Variants in MLF2 observed in about 807,000 individuals in gnomAD.
MLF2 encodes myeloid leukemia factor 2.
A neutral mutation model predicts 31.4 loss-of-function variants in MLF2; 12 were observed. The ratio of observed to expected loss-of-function variants is 0.38; its 90% CI spans 0.24 to 0.62. MLF2 has a LOEUF of 0.62. Ranked by LOEUF, MLF2 falls within the 20% of genes least tolerant of loss-of-function variation. The pLI, the probability that MLF2 is intolerant of heterozygous loss-of-function variation, is 0.58. For missense variants in MLF2, 272 were observed against 359.7 expected (o/e 0.76, Z 1.97); for synonymous variants, 109 against 118.8 (o/e 0.92, Z 0.54).
chr12:6,750,500 G>A lies in MLF2; in HGVS notation c.271-195C>T. Reference sequence around the variant, plus strand: ...GAGCAAGAAGGACCTGAAGAGACAGGGCCTTAATTGTATGCTACGTAAGAG... The same window carrying A: ...GAGCAAGAAGGACCTGAAGAGACAGAGCCTTAATTGTATGCTACGTAAGAG... On this transcript the variant is annotated intron_variant, in intron 5 of 8. Coordinates refer to ENST00000203630, the MANE Select transcript of MLF2 (RefSeq NM_001382226.1). This position sits in a 1 kb window ranked among gnomAD's most constrained non-coding sequence, Gnocchi z 5.3. 2.2e-6 allele frequency: 2 copies of A among 891,968 alleles called. No homozygotes were observed. Among genetic ancestry groups the A allele is most frequent in the South Asian group, 3.5e-5 (2 of 57,448 alleles). 55.3% of individuals were successfully genotyped at this position (891,968 alleles called of 1,614,324 possible). A position where few individuals can be genotyped will look rare whatever the true frequency, so the allele number is the denominator to read the frequency against.
In MLF2 at chr12:6,749,079, GGCTGAGTGT is replaced by G; in HGVS notation, c.560-106_560-98del. The G allele has an allele frequency of 7.6e-7, 1 of 1,315,224 alleles. No individual in the cohort carries two copies. The highest frequency in any genetic ancestry group is 1.5e-5 in the South Asian group (1 of 66,016). The allele number at this position is 1,315,224 out of a possible 1,614,324, so 81.5% of individuals were successfully genotyped here. A position where few individuals can be genotyped will look rare whatever the true frequency, so the allele number is the denominator to read the frequency against. On this transcript the variant is annotated intron_variant, in intron 7 of 8. Transcript: ENST00000203630. This position sits in a 1 kb window ranked among gnomAD's most constrained non-coding sequence, Gnocchi z 5.3. ...CAGCTTTTCGGGCCAAAGCGGCGAA[GGCTGAGTGT>G]GCGTGCAGGGATGGGTGGGGTGGCA...
chr12:6,748,563 G>C lies in MLF2; in HGVS notation c.*26-16C>G. ...CAGCCTGTACCTGGAGGGGGAAAGAGAGAGGAGCACAAGTCAAAAGGAAGA... is the reference window on the plus strand; with the variant it reads ...CAGCCTGTACCTGGAGGGGGAAAGACAGAGGAGCACAAGTCAAAAGGAAGA... On this transcript the variant is annotated splice_polypyrimidine_tract_variant and intron_variant, in intron 8 of 8. Coordinates refer to ENST00000203630, the MANE Select transcript of MLF2 (RefSeq NM_001382226.1). The surrounding 1 kb of genome is among the most constrained non-coding windows in gnomAD (Gnocchi z 4.6). 1 of 433,616 alleles carries C rather than the reference G, an allele frequency of 2.3e-6. No homozygotes were observed. Among genetic ancestry groups the C allele is most frequent in the Admixed American group, 4.4e-5 (1 of 22,488 alleles). The allele number at this position is 433,616 out of a possible 1,614,324, so 26.9% of individuals were successfully genotyped here.
rs1209032073 is a variant in MLF2, at chr12:6,748,959, C to T, written c.583G>A (p.Glu195Lys). 7 of 1,601,198 alleles carry T rather than the reference C, an allele frequency of 4.4e-6. No individual in the cohort carries two copies. Among genetic ancestry groups the T allele is most frequent in the Non-Finnish European group, 5.1e-6 (6 of 1,174,520 alleles). ...AATCGGGAGGTCTCCCGCCGCCACT[C>T]GTCATCAAACGCTGCGGCCTCACCT... is the stretch of plus-strand genomic sequence containing the variant. ...DESEAAAFDD[E>K]WRRETSRFRQ... The change falls in exon 8 of 9, where the codon GAG becomes AAG. Residue 195 changes from glutamate (E) to lysine (K), a missense_variant. By Grantham distance (56) the Glu-to-Lys change is moderately conservative. Transcript: ENST00000203630. This position sits in a 1 kb window ranked among gnomAD's most constrained non-coding sequence, Gnocchi z 4.6.
Position 6,752,115 on chromosome 12 carries a change from C to G in MLF2, c.51-61G>C. The G allele has an allele frequency of 6.2e-7, 1 of 1,606,874 alleles. No homozygotes were observed. Among genetic ancestry groups the G allele is most frequent in the South Asian group, 1.1e-5 (1 of 90,382 alleles). On this transcript the variant is annotated intron_variant, in intron 2 of 8. Transcript: ENST00000203630. This position sits in a 1 kb window ranked among gnomAD's most constrained non-coding sequence, Gnocchi z 4.6. ...GCCAAACTGTCAATCCCTCCACCAC[C>G]CTGCAAAAAAATACGCACAGAGCAA...
In MLF2 at chr12:6,752,489, C is replaced by A; in HGVS notation, c.-28-127G>T. The A allele has an allele frequency of 1.4e-6, 1 of 732,284 alleles. No individual in the cohort carries two copies. The highest frequency in any genetic ancestry group is 2.2e-6 in the Non-Finnish European group (1 of 447,528). The allele number at this position is 732,284 out of a possible 1,614,324, so 45.4% of individuals were successfully genotyped here. On this transcript the variant is annotated intron_variant, in intron 1 of 8. Transcript: ENST00000203630. This position sits in a 1 kb window ranked among gnomAD's most constrained non-coding sequence, Gnocchi z 4.6. Reference sequence around the variant, plus strand: ...CTGACCCCCTAAACTCCAGGGAGACCCTACTCCAGGTGTTCCACACAACCC... The same window carrying A: ...CTGACCCCCTAAACTCCAGGGAGACACTACTCCAGGTGTTCCACACAACCC...
In MLF2 at chr12:6,750,938, C is replaced by G; in HGVS notation, c.217-172G>C. The G allele has an allele frequency of 1.6e-6, 1 of 639,350 alleles. No homozygotes were observed. The allele number at this position is 639,350 out of a possible 1,614,324, so 39.6% of individuals were successfully genotyped here. ...AAATAACCAGAATACTCATATTTCT[C>G]CTCCTGTGAACTGCTGACCCCTTCC... On this transcript the variant is annotated intron_variant, in intron 4 of 8. Coordinates refer to ENST00000203630, the MANE Select transcript of MLF2 (RefSeq NM_001382226.1). This position sits in a 1 kb window ranked among gnomAD's most constrained non-coding sequence, Gnocchi z 5.3.
In MLF2 at chr12:6,750,731, A is replaced by G. The variant is rs1473915552; in HGVS notation, c.252T>C (p.Asn84=). 6.2e-7 allele frequency: 1 copy of G among 1,614,136 alleles called. No homozygotes were observed. The highest frequency in any genetic ancestry group is 1.3e-5 in the African/African-American group (1 of 75,042). ...GTCTCACCATGTTTCCAATCATGTCATTCATCATCCCAAACATGTCCATGA... is the reference window on the plus strand; with the variant it reads ...GTCTCACCATGTTTCCAATCATGTCGTTCATCATCCCAAACATGTCCATGA... ...GGFMDMFGMM[N]DMIGNMEHMT... The change falls in exon 5 of 9, where the codon AAT becomes AAC. Residue 84 remains asparagine, a synonymous_variant. Transcript: ENST00000203630. The surrounding 1 kb of genome is among the most constrained non-coding windows in gnomAD (Gnocchi z 5.3).
At chr12:6,751,382 G>A (rs573373744) in intron 4 of MLF2, among the ~76,000 whole-genome samples, 1 of 151,974 alleles carries the variant, frequency 6.6e-6, no homozygotes, top group South Asian at 2.1e-4. Context: ...TAGTAGAGAC[G>A]GGGTTTCACC....
chr12:6,752,988 G>A lies in MLF2; in HGVS notation c.-78C>T. On this transcript the variant is annotated 5_prime_UTR_variant, in exon 1 of 9. Coordinates refer to ENST00000203630, the MANE Select transcript of MLF2 (RefSeq NM_001382226.1). The surrounding 1 kb of genome is among the most constrained non-coding windows in gnomAD (Gnocchi z 4.6). ...CCCATCCGGCCGGTTTCGCTTCCCG[G>A]TACGCTGCAGGGTCAGGGTCGCGGC... The A allele has an allele frequency of 3.3e-6, 1 of 306,108 alleles. No homozygotes were observed. Among genetic ancestry groups the A allele is most frequent in the East Asian group, 5.2e-5 (1 of 19,364 alleles). The allele number at this position is 306,108 out of a possible 1,614,324, so 19.0% of individuals were successfully genotyped here.
Position 6,749,857 on chromosome 12 carries a change from G to C in MLF2, c.550C>G (p.Leu184Val). The C allele has an allele frequency of 1.2e-6, 2 of 1,614,218 alleles. No homozygotes were observed. Among genetic ancestry groups the C allele is most frequent in the Non-Finnish European group, 1.7e-6 (2 of 1,180,028 alleles). Residue 184 changes from leucine (L) to valine (V), a missense_variant, in exon 7 of 9, where the codon CTG (leucine) becomes GTG (valine). Leu to Val is a conservative substitution (Grantham distance 32). Coordinates refer to ENST00000203630, the MANE Select transcript of MLF2 (RefSeq NM_001382226.1). This position sits in a 1 kb window ranked among gnomAD's most constrained non-coding sequence, Gnocchi z 5.3. ...GGGAGGGAAGGCTCACTCTCATCCA[G>C]GTTGATATAGTCCTGCCGCTCCTCC... ...DQEERQDYINLDESEAAAFDD... is the reference protein window; with the variant it reads ...DQEERQDYINVDESEAAAFDD...
In MLF2 at chr12:6,751,630, T is replaced by C; in HGVS notation, c.216+11A>G. ...TCTGAGATGGAAGGACACAGGGAGA[T>C]AAAGACTCACCATTCCCAGCATCCC... is the stretch of plus-strand genomic sequence containing the variant. On this transcript the variant is annotated intron_variant, in intron 4 of 8. Transcript: ENST00000203630. The C allele has an allele frequency of 6.2e-7, 1 of 1,613,154 alleles. No individual in the cohort carries two copies. Among genetic ancestry groups the C allele is most frequent in the Non-Finnish European group, 8.5e-7 (1 of 1,179,146 alleles).
chr12:6,750,699 G>C lies in MLF2; in HGVS notation c.270+14C>G. 1 of 1,613,592 alleles carries C rather than the reference G, an allele frequency of 6.2e-7. No individual in the cohort carries two copies. The highest frequency in any genetic ancestry group is 8.5e-7 in the Non-Finnish European group (1 of 1,179,542). On this transcript the variant is annotated intron_variant, in intron 5 of 8. Transcript: ENST00000203630. This position sits in a 1 kb window ranked among gnomAD's most constrained non-coding sequence, Gnocchi z 5.3. ...TGAGAGCAAGGCCGGGGAAGGGTAT[G>C]GGGCAAGTCTCACCATGTTTCCAAT... is the stretch of plus-strand genomic sequence containing the variant.
rs966797547 is a variant in MLF2, at chr12:6,752,545, TTCTC to T, written c.-28-187_-28-184del. The T allele has an allele frequency of 4.6e-5, 25 of 542,532 alleles. No homozygotes were observed. The highest frequency in any genetic ancestry group is 4.2e-4 in the African/African-American group (22 of 52,612). 33.6% of individuals were successfully genotyped at this position (542,532 alleles called of 1,614,324 possible). On this transcript the variant is annotated intron_variant, in intron 1 of 8. Transcript: ENST00000203630. This position sits in a 1 kb window ranked among gnomAD's most constrained non-coding sequence, Gnocchi z 4.6. Reference sequence around the variant, plus strand: ...GGAGGGAAGGGCTCTTCAAACCTCTTTCTCAATTAGGGCCATGGAAAATTTTTCC... The same window carrying T: ...GGAGGGAAGGGCTCTTCAAACCTCTTAATTAGGGCCATGGAAAATTTTTCC...
Position 6,748,839 on chromosome 12 carries a change from G to A in MLF2, c.703C>T (p.Pro235Ser), listed in dbSNP as rs1941565077. ...GACTGTCGGGAAGGGGAGTCCTCAG[G>A]TCCCTGGATGGCCAGGCGGGGAGGC... ...EGPPRLAIQG[P>S]EDSPSRQSRR... is the part of the protein sequence containing the mutation. Residue 235 changes from proline to serine, a missense_variant, in exon 8 of 9, where the codon CCT becomes TCT. Coordinates refer to ENST00000203630, the MANE Select transcript of MLF2 (RefSeq NM_001382226.1). This position sits in a 1 kb window ranked among gnomAD's most constrained non-coding sequence, Gnocchi z 4.6. 1 of 1,573,226 alleles carries A rather than the reference G, an allele frequency of 6.4e-7. No homozygotes were observed. The highest frequency in any genetic ancestry group is 1.2e-5 in the South Asian group (1 of 85,400).
At position 6,750,485 on chromosome 12, in the gene MLF2, G is replaced by T; in HGVS notation, c.271-180C>A. ...TCTGAGTCCAACCACGAGCAAGAAG[G>T]ACCTGAAGAGACAGGGCCTTAATTG... On this transcript the variant is annotated intron_variant, in intron 5 of 8. Transcript: ENST00000203630. The surrounding 1 kb of genome is among the most constrained non-coding windows in gnomAD (Gnocchi z 5.3). The T allele has an allele frequency of 1.1e-6, 1 of 920,734 alleles. No individual in the cohort carries two copies. 57.0% of individuals were successfully genotyped at this position (920,734 alleles called of 1,614,324 possible). A position where few individuals can be genotyped will look rare whatever the true frequency, so the allele number is the denominator to read the frequency against.
Position 6,750,629 on chromosome 12 carries a change from G to A in MLF2, c.270+84C>T, listed in dbSNP as rs139426435. ...GTACTTTACCCTTCACTAGCATACT[G>A]TTTCCCTCTTGCCTTAGAGGATGCA... On this transcript the variant is annotated intron_variant, in intron 5 of 8. Coordinates refer to ENST00000203630, the MANE Select transcript of MLF2 (RefSeq NM_001382226.1). The surrounding 1 kb of genome is among the most constrained non-coding windows in gnomAD (Gnocchi z 5.3). The A allele has an allele frequency of 3.3e-5, 47 of 1,438,204 alleles. No homozygotes were observed. In the East Asian group the frequency reaches 8.2e-4, roughly 25 times the overall value. The allele number at this position is 1,438,204 out of a possible 1,614,324, so 89.1% of individuals were successfully genotyped here. A position where few individuals can be genotyped will look rare whatever the true frequency, so the allele number is the denominator to read the frequency against.
Position 6,749,819 on chromosome 12 carries a change from C to T in MLF2, c.559+29G>A. On this transcript the variant is annotated intron_variant, in intron 7 of 8. Coordinates refer to ENST00000203630, the MANE Select transcript of MLF2 (RefSeq NM_001382226.1). This position sits in a 1 kb window ranked among gnomAD's most constrained non-coding sequence, Gnocchi z 5.3. ...TCCACGGGAACCGGGTTAGGGGCTG[C>T]CAGCCAGGAAGCGGGAGGGAAGGCT... The T allele has an allele frequency of 1.2e-6, 2 of 1,612,020 alleles. No individual in the cohort carries two copies. The highest frequency in any genetic ancestry group is 8.5e-7 in the Non-Finnish European group (1 of 1,179,038).
Position 6,749,188 on chromosome 12 carries a change from G to A in MLF2, c.560-206C>T, listed in dbSNP as rs1205358949. ...GGCGTAAGGTGGCCTACTGGAGGAA[G>A]AAATCAGAATGGGATTATTCTTCAG... On this transcript the variant is annotated intron_variant, in intron 7 of 8. Coordinates refer to ENST00000203630, the MANE Select transcript of MLF2 (RefSeq NM_001382226.1). This position sits in a 1 kb window ranked among gnomAD's most constrained non-coding sequence, Gnocchi z 5.3. Among the ~76,000 whole-genome samples the A allele has an allele frequency of 6.6e-6, 1 of 152,250 alleles. No homozygotes were observed. The highest frequency in any genetic ancestry group is 2.4e-5 in the African/African-American group (1 of 41,476).
Position 6,748,570 on chromosome 12 carries a change from G to A in MLF2, c.*26-23C>T. The A allele has an allele frequency of 2.2e-6, 1 of 447,834 alleles. No individual in the cohort carries two copies. The highest frequency in any genetic ancestry group is 3.9e-6 in the Non-Finnish European group (1 of 255,694). The allele number at this position is 447,834 out of a possible 1,614,324, so 27.7% of individuals were successfully genotyped here. Reference sequence around the variant, plus strand: ...TACCTGGAGGGGGAAAGAGAGAGGAGCACAAGTCAAAAGGAAGAAAAAACT... The same window carrying A: ...TACCTGGAGGGGGAAAGAGAGAGGAACACAAGTCAAAAGGAAGAAAAAACT... On this transcript the variant is annotated intron_variant, in intron 8 of 8. Coordinates refer to ENST00000203630, the MANE Select transcript of MLF2 (RefSeq NM_001382226.1). This position sits in a 1 kb window ranked among gnomAD's most constrained non-coding sequence, Gnocchi z 4.6.
Sources: gnomAD v4.1 joint callset for allele counts (sites outside exome capture counted in the v4.1 genomes callset) on GRCh38, gnomAD v4.1.1 for gene constraint, Gnocchi (gnomAD v3.1) non-coding constraint, MANE v1.5 for transcripts, NCBI Gene and HGNC (gene_info 2026-07-23, HGNC 2026-07-21) for gene names.